The following NF1 variants were observed in gnomAD, a reference collection of about 807,000 sequenced individuals.
NF1 encodes neurofibromin 1, also known as neurofibromin.
NF1 carries 122 observed loss-of-function variants against 325.7 expected under a neutral mutation model. The observed-to-expected ratio is 0.37, with a 90% CI of 0.32 to 0.44. The LOEUF is 0.44. Ranked by LOEUF, NF1 falls within the 20% of genes least tolerant of loss-of-function variation. The pLI is 1.00. For missense variants in NF1, 2,140 were observed against 3,415.4 expected (o/e 0.63, Z 9.31); for synonymous variants, 1,091 against 1,186.0 (o/e 0.92, Z 1.65).
chr17:31,124,208 C>T (rs1914671086), intron 1 of NF1, among the ~76,000 whole-genome samples: 1 of 151,872 alleles, frequency 6.6e-6, no homozygotes, highest in Non-Finnish European at 1.5e-5. Context: ...CTGCAATTTG[C>T]TTTTTTAAAT....
intron 36 of NF1, among the ~76,000 whole-genome samples, chr17:31,308,646 A>G (rs200152514): frequency 6.9e-6 from 1 of 145,006 alleles, no homozygotes; most frequent in Non-Finnish European, 1.5e-5. Context: ...TTTTTTTTTT[A>G]TTTTTCTTCC....
chr17:31,314,809 G>A (rs1368926482), intron 36 of NF1, among the ~76,000 whole-genome samples: 2 of 152,140 alleles, frequency 1.3e-5, no homozygotes, highest in East Asian at 1.9e-4. Flanking sequence ...TTTCTGTTGG[G>A]TATATACCTA....
intron 1 of NF1, among the ~76,000 whole-genome samples, chr17:31,129,512 C>A (rs1915172300): frequency 6.7e-6 from 1 of 149,062 alleles, no homozygotes; most frequent in African/African-American, 2.5e-5. Flanking sequence ...TCACTGCAAC[C>A]TCTGCTTCCT....
intron 36 of NF1, among the ~76,000 whole-genome samples, chr17:31,319,218 AT>A (rs1405044797): frequency 1.3e-5 from 2 of 152,228 alleles, no homozygotes; most frequent in Non-Finnish European, 2.9e-5. Flanking sequence ...TTTAATTTCT[AT>A]TAACACTTTT....
chr17:31,283,823 C>T (rs929367056), intron 36 of NF1, among the ~76,000 whole-genome samples: 3 of 152,042 alleles, frequency 2.0e-5, no homozygotes, highest in East Asian at 1.9e-4. Flanking sequence ...TACATGACTA[C>T]GGTTTGAAGG....
At chr17:31,201,007 G>A in intron 9 of NF1, 30 bp from the exon 10 acceptor site, 1 of 1,612,232 alleles carries the variant, frequency 6.2e-7, no homozygotes, top group Non-Finnish European at 8.5e-7. Context: ...GGTATTTAAA[G>A]GCTTTTGTTT....
chr17:31,258,455 A>G lies in NF1; in HGVS notation c.4285A>G (p.Lys1429Glu), dbSNP rs758915600. The G allele has an allele frequency of 2.5e-6, 4 of 1,613,976 alleles. No individual in the cohort carries two copies. Among genetic ancestry groups the G allele is most frequent in the Non-Finnish European group, 3.4e-6 (4 of 1,179,878 alleles). ...VSPYEAGILD[K>E]KPPPRIERGL... is the part of the protein sequence containing the mutation. ...ACCGTATGAAGCAGGGATTTTAGAT[A>G]AAAAGCCACCACCTAGAATCGAAAG... Residue 1429 changes from lysine to glutamate, a missense_variant, in exon 32 of 58, where the codon AAA becomes GAA. Lys to Glu is a moderately conservative substitution (Grantham distance 56). Coordinates refer to ENST00000358273, the MANE Select transcript of NF1 (RefSeq NM_001042492.3).
chr17:31,312,542 G>A (rs909710750), intron 36 of NF1, among the ~76,000 whole-genome samples: 1 of 151,066 alleles, frequency 6.6e-6, no homozygotes, highest in Non-Finnish European at 1.5e-5. Context: ...AAAAGTATGG[G>A]ATTCTATGAC....
At chr17:31,277,354 G>A (rs1032484140) in intron 36 of NF1, among the ~76,000 whole-genome samples, 4 of 152,130 alleles carry the variant, frequency 2.6e-5, no homozygotes, top group African/African-American at 7.2e-5. Flanking sequence ...AGAAACAGAC[G>A]GTTCAGTGGA....
Position 31,375,027 on chromosome 17 carries a change from TA to T in NF1, c.*873del, listed in dbSNP as rs200002326. 0.011 allele frequency: 2,140 copies of T among 199,084 alleles called. 44 individuals carry two copies. Among genetic ancestry groups the T allele is most frequent in the African/African-American group, 0.044 (1,801 of 40,674 alleles). 12.3% of individuals were successfully genotyped at this position (199,084 alleles called of 1,614,324 possible). A position where few individuals can be genotyped will look rare whatever the true frequency, so the allele number is the denominator to read the frequency against. On this transcript the variant is annotated 3_prime_UTR_variant, in exon 58 of 58. Transcript: ENST00000358273. ...AGTATAGTAATTATATATATATATA[TA>T]TTTTTTCCCCTCCCCCTCTTCTTTC...
intron 31 of NF1, 109 bp from the exon 32 acceptor site, chr17:31,258,220 TATGTCATTCATGAGG>T (rs1453176788): frequency 1.0e-6 from 1 of 985,232 alleles, no homozygotes; most frequent in East Asian, 2.5e-5. Flanking sequence ...AAAATAGAAA[TATGTCATTCATGAGG>T]ACTGATTGAT....
At position 31,377,092 on chromosome 17, in the gene NF1, G is replaced by A. The variant is rs531762415; in HGVS notation, c.*2937G>A. On this transcript the variant is annotated 3_prime_UTR_variant, in exon 58 of 58. Transcript: ENST00000358273. Reference sequence around the variant, plus strand: ...TGTTTTTGTTTCTACATCCTTCCCCGACTCCCAGGCATAATGAGGCATGTC... The same window carrying A: ...TGTTTTTGTTTCTACATCCTTCCCCAACTCCCAGGCATAATGAGGCATGTC... 15 of 233,362 alleles carry A rather than the reference G, an allele frequency of 6.4e-5. No homozygotes were observed. In the South Asian group the frequency reaches 1.5e-3, roughly 23 times the overall value. The allele number at this position is 233,362 out of a possible 1,614,324, so 14.5% of individuals were successfully genotyped here.
rs147836184 is a variant in NF1 at position 31,100,858 on chromosome 17, G to A, written c.60+5489G>A. ...GCTGGGATTACAGGCATGAGCCACC[G>A]TGCCCGGCCCGGAATTCATCCTTTA... On this transcript the variant is annotated intron_variant, in intron 1 of 57. Coordinates refer to ENST00000358273, the MANE Select transcript of NF1 (RefSeq NM_001042492.3). Among the ~76,000 whole-genome samples, 1,165 of 152,254 alleles carry A rather than the reference G, an allele frequency of 7.7e-3. 13 individuals carry two copies. The highest frequency in any genetic ancestry group is 0.027 in the African/African-American group (1,109 of 41,554).
At chr17:31,141,144 G>T (rs960055673) in intron 1 of NF1, among the ~76,000 whole-genome samples, 2 of 151,976 alleles carry the variant, frequency 1.3e-5, no homozygotes, top group Non-Finnish European at 2.9e-5. Flanking sequence ...TTTCACTGTA[G>T]TAACCATTTT....
At position 31,192,127 on chromosome 17, in the gene NF1, A is replaced by G. The variant is rs17882631; in HGVS notation, c.889-8295A>G. On this transcript the variant is annotated intron_variant, in intron 8 of 57. Transcript: ENST00000358273. Reference sequence around the variant, plus strand: ...GAATGTAACAGTTTCCCATACTGCTATTAACATTTTTATATTTTGCTCATC... The same window carrying G: ...GAATGTAACAGTTTCCCATACTGCTGTTAACATTTTTATATTTTGCTCATC... 7.4e-4 allele frequency among the ~76,000 whole-genome samples: 113 copies of G among 152,348 alleles called. 1 individual carries two copies. Among genetic ancestry groups the G allele is most frequent in the African/African-American group, 2.6e-3 (108 of 41,588 alleles).
chr17:31,303,381 G>A (rs2068619770), intron 36 of NF1, among the ~76,000 whole-genome samples: 1 of 152,090 alleles, frequency 6.6e-6, no homozygotes, highest in Non-Finnish European at 1.5e-5. Context: ...AATGGATAAA[G>A]ATGAAATTCT....
At chr17:31,222,191 C>T (rs541027364) in intron 15 of NF1, 5 of 1,152,788 alleles carry the variant, frequency 4.3e-6, no homozygotes, top group Non-Finnish European at 5.3e-6. Flanking sequence ...TGGTATATTA[C>T]TTTTTTCAGA....
chr17:31,122,367 T>G (rs1914507802), intron 1 of NF1, among the ~76,000 whole-genome samples: 1 of 152,208 alleles, frequency 6.6e-6, no homozygotes, highest in Non-Finnish European at 1.5e-5. Flanking sequence ...TTTATTGTTT[T>G]GAATAAAGGG....
intron 8 of NF1, among the ~76,000 whole-genome samples, chr17:31,198,750 G>A (rs1200323752): frequency 6.6e-6 from 1 of 152,062 alleles, no homozygotes; most frequent in Admixed American, 6.6e-5. Context: ...TAGTAGCTGG[G>A]ACTACAGGCA....
Sources: gnomAD v4.1 joint callset for allele counts (sites outside exome capture counted in the v4.1 genomes callset) on GRCh38, gnomAD v4.1.1 for gene constraint, MANE v1.5 for transcripts, NCBI Gene and HGNC (gene_info 2026-07-23, HGNC 2026-07-21) for gene names.